KIF15: variants seen among roughly 807,000 people sequenced by gnomAD.
KIF15 encodes the protein kinesin family member 15, also known as kinesin-like protein KIF15.
Under a neutral mutation model 190.6 loss-of-function variants are expected in KIF15, and 140 were observed. The observed-to-expected ratio is 0.73, with a 90% confidence interval of 0.64 to 0.84. KIF15 has a LOEUF of 0.84. KIF15 is among the 40% of genes least tolerant of loss of function. The probability of loss-of-function intolerance (pLI) is 0.00; values close to 1 mark genes in which losing one functional copy is unlikely to be tolerated. For missense variants in KIF15, 1,372 were observed against 1,584.4 expected (o/e 0.87, Z 2.28); for synonymous variants, 528 against 551.3 (o/e 0.96, Z 0.59).
Position 44,852,815 on chromosome 3 carries a change from C to T in KIF15, c.*80C>T. On this transcript the variant is annotated 3_prime_UTR_variant, in exon 35 of 35. Coordinates refer to ENST00000326047, the MANE Select transcript of KIF15 (RefSeq NM_020242.3). ...TACAAGTAAGACCTACTCCTGGCCA[C>T]TTAGGAGAGCTGAATTTATGGACCT... is the stretch of plus-strand genomic sequence containing the variant. 2 of 1,092,978 alleles carry T rather than the reference C, an allele frequency of 1.8e-6. No individual in the cohort carries two copies. The highest frequency in any genetic ancestry group is 2.7e-6 in the Non-Finnish European group (2 of 750,366). The allele number at this position is 1,092,978 out of a possible 1,614,324, so 67.7% of individuals were successfully genotyped here.
At chr3:44,847,926 C>A in intron 30 of KIF15, 59 bp from the exon 31 acceptor site, 1 of 1,192,202 alleles carries the variant, frequency 8.4e-7, no homozygotes, top group Non-Finnish European at 1.2e-6. Flanking sequence ...GAAATTGATA[C>A]TTGAATATAC....
chr3:44,864,290 A>T (rs137995657), intron 6 of KIF15: 2 of 1,614,146 alleles, frequency 1.2e-6, no homozygotes, highest in Non-Finnish European at 1.7e-6. Flanking sequence ...CAGTTTCTCC[A>T]TGTCTTCAGC....
chr3:44,868,422 G>A (rs905734192), intron 6 of KIF15, among the ~76,000 whole-genome samples: 1 of 152,098 alleles, frequency 6.6e-6, no homozygotes, highest in Admixed American at 6.5e-5. Flanking sequence ...TTAGAATAAT[G>A]CTGCTTTGAA....
At chr3:44,821,016 G>C (rs1242575646) in intron 20 of KIF15, among the ~76,000 whole-genome samples, 1 of 8,466 alleles carries the variant, frequency 1.2e-4, no homozygotes, top group African/African-American at 4.4e-4. Flanking sequence ...GGGGCGGCTG[G>C]CCGGGCGGGG....
At chr3:44,815,538 T>C (rs146810825) in intron 20 of KIF15, among the ~76,000 whole-genome samples, 2 of 152,314 alleles carry the variant, frequency 1.3e-5, no homozygotes, top group African/African-American at 4.8e-5. Context: ...TGGCCTGACA[T>C]AGAGTAATGT....
downstream of KIF15, among the ~76,000 whole-genome samples, chr3:44,854,563 A>G (rs937240680): frequency 6.6e-6 from 1 of 152,214 alleles, no homozygotes; most frequent in African/African-American, 2.4e-5. Context: ...ACTGCCTCAG[A>G]GGTAGAAGAA....
At chr3:44,866,296 T>A (rs1365932066) in intron 6 of KIF15, among the ~76,000 whole-genome samples, 1 of 152,096 alleles carries the variant, frequency 6.6e-6, no homozygotes, top group Non-Finnish European at 1.5e-5. Flanking sequence ...ATAGTCTCGA[T>A]CTCCTGACCT....
At chr3:44,839,153 G>A (rs369422234) in intron 27 of KIF15, among the ~76,000 whole-genome samples, 6 of 151,928 alleles carry the variant, frequency 3.9e-5, no homozygotes, top group African/African-American at 9.7e-5. Context: ...GGTGGATCAC[G>A]AGGTCAGGAG....
intron 16 of KIF15, among the ~76,000 whole-genome samples, chr3:44,809,662 T>C (rs142199520): frequency 3.3e-5 from 5 of 151,112 alleles, no homozygotes; most frequent in Non-Finnish European, 5.9e-5. Context: ...TTGGGCAACA[T>C]AGTAAGACCC....
At chr3:44,778,289 C>A in intron 4 of KIF15, 98 bp downstream of exon 4, 1 of 929,928 alleles carries the variant, frequency 1.1e-6, no homozygotes, top group Non-Finnish European at 1.8e-6. Flanking sequence ...CTTAAAACAA[C>A]ACAAATGTAT....
In KIF15 at chr3:44,814,927, A is replaced by AC. The variant is rs1320675044; in HGVS notation, c.2401dup (p.His801ProfsTer2). ...GTTTTTTAGTTTTGAAAAGTGAGGT[A>AC]CATGACCTGCGAGTAGTCCTTCATT... On this transcript the variant is annotated frameshift_variant, in exon 20 of 35. Coordinates refer to ENST00000326047, the MANE Select transcript of KIF15 (RefSeq NM_020242.3). LOFTEE classifies it high-confidence loss of function. 6.2e-7 allele frequency: 1 copy of AC among 1,602,358 alleles called. No individual in the cohort carries two copies. The highest frequency in any genetic ancestry group is 8.5e-7 in the Non-Finnish European group (1 of 1,176,764).
intron 22 of KIF15, chr3:44,826,914 C>A: frequency 4.8e-6 from 2 of 420,418 alleles, no homozygotes; most frequent in Non-Finnish European, 4.8e-6. Context: ...GGTCACTAGG[C>A]TGAGAGTCAC....
In KIF15 at chr3:44,838,354, G is replaced by T. The variant is rs146195393; in HGVS notation, c.3251G>T (p.Gly1084Val). 5.6e-6 allele frequency: 9 copies of T among 1,614,012 alleles called. No homozygotes were observed. The highest frequency in any genetic ancestry group is 7.6e-6 in the Non-Finnish European group (9 of 1,179,978). Residue 1084 changes from glycine (G) to valine (V), a missense_variant, in exon 27 of 35, where the codon GGG becomes GTG. Coordinates refer to ENST00000326047, the MANE Select transcript of KIF15 (RefSeq NM_020242.3). ...ACAGAGGCCTCAAAAAAACACTCGGGGCTGCTGCAGTCTGCCCAGGAAGAA... is the reference window on the plus strand; with the variant it reads ...ACAGAGGCCTCAAAAAAACACTCGGTGCTGCTGCAGTCTGCCCAGGAAGAA... ...MLTEASKKHSGLLQSAQEELT... is the reference protein window; with the variant it reads ...MLTEASKKHSVLLQSAQEELT...
At chr3:44,828,362 T>C (rs1267766433) in intron 24 of KIF15, 62 bp downstream of exon 24, 1 of 1,179,250 alleles carries the variant, frequency 8.5e-7, no homozygotes, top group African/African-American at 1.5e-5. Context: ...GTTTAACATT[T>C]TGTTCTCCTA....
rs202047199 is a variant in KIF15, at chr3:44,848,063, A to AT, written c.3768+15dup. 7.2e-4 allele frequency: 1,097 copies of AT among 1,533,410 alleles called. No individual in the cohort carries two copies. Among genetic ancestry groups the AT allele is most frequent in the African/African-American group, 3.4e-3 (249 of 72,942 alleles). The allele number at this position is 1,533,410 out of a possible 1,614,324, so 95.0% of individuals were successfully genotyped here. On this transcript the variant is annotated splice_region_variant and intron_variant, in intron 31 of 34. Coordinates refer to ENST00000326047, the MANE Select transcript of KIF15 (RefSeq NM_020242.3). ...TCAAAGAAAGACTTGCAAAAGTAAGATTTTTTTTTATGTAATAGTTTCTTC... is the reference window on the plus strand; with the variant it reads ...TCAAAGAAAGACTTGCAAAAGTAAGATTTTTTTTTTATGTAATAGTTTCTTC...
chr3:44,789,806 G>A (rs1575596205), intron 7 of KIF15, among the ~76,000 whole-genome samples: 7 of 151,372 alleles, frequency 4.6e-5, no homozygotes, highest in Admixed American at 6.6e-5. Flanking sequence ...TTTACTACAG[G>A]CTAATTGATA....
intron 26 of KIF15, among the ~76,000 whole-genome samples, chr3:44,836,215 G>T (rs533847988): frequency 6.6e-6 from 1 of 152,098 alleles, no homozygotes; most frequent in Non-Finnish European, 1.5e-5. Flanking sequence ...AATTAGCCAG[G>T]TGTGGTGGTG....
intron 22 of KIF15, chr3:44,826,899 G>GCCT (rs1308369778): frequency 2.1e-5 from 8 of 379,778 alleles, no homozygotes. Context: ...GAATCTTTGG[G>GCCT]CCTCGGTCAC....
chr3:44,821,330 G>T (rs570733474), intron 20 of KIF15, among the ~76,000 whole-genome samples: 1 of 151,892 alleles, frequency 6.6e-6, no homozygotes, highest in South Asian at 2.1e-4. Context: ...TCCTGGACGG[G>T]GTGGCTGCGG....
Sources: gnomAD v4.1 joint callset for allele counts (sites outside exome capture counted in the v4.1 genomes callset) on GRCh38, gnomAD v4.1.1 for gene constraint, MANE v1.5 for transcripts, NCBI Gene and HGNC (gene_info 2026-07-23, HGNC 2026-07-21) for gene names.